SPON1: variants seen among roughly 807,000 people sequenced by gnomAD.
The protein encoded by SPON1 is spondin 1.
SPON1 carries 52 observed loss-of-function variants against 111.7 expected under a neutral mutation model. The ratio of observed to expected loss-of-function variants is 0.47; its 90% CI spans 0.37 to 0.59. The LOEUF (loss-of-function observed/expected upper bound fraction) is 0.59. SPON1 is among the 20% of genes least tolerant of loss of function. The pLI is 0.00. For missense variants in SPON1, 957 were observed against 1,068.5 expected, an observed-to-expected ratio of 0.90 and a Z score of 1.46; for synonymous variants, 410 against 395.8, an observed-to-expected ratio of 1.04 and a Z score of -0.43.
At chr11:14,192,414 T>G (rs1173681782) in intron 6 of SPON1, among the ~76,000 whole-genome samples, 15 of 152,210 alleles carry the variant, frequency 9.9e-5, no homozygotes, top group Non-Finnish European at 1.3e-4. Context: ...TTTGTAGCTT[T>G]GACATTTTAA....
intron 6 of SPON1, among the ~76,000 whole-genome samples, chr11:14,148,091 T>C (rs2133866936): frequency 6.6e-6 from 1 of 152,316 alleles, no homozygotes; most frequent in South Asian, 2.1e-4. Context: ...TATACACAGA[T>C]ATACTCACAT....
chr11:13,962,832 C>G lies in SPON1; in HGVS notation c.-73C>G. The G allele has an allele frequency of 7.5e-7, 1 of 1,334,340 alleles. No individual in the cohort carries two copies. The highest frequency in any genetic ancestry group is 9.7e-7 in the Non-Finnish European group (1 of 1,028,802). 82.7% of individuals were successfully genotyped at this position (1,334,340 alleles called of 1,614,324 possible). A position where few individuals can be genotyped will look rare whatever the true frequency, so the allele number is the denominator to read the frequency against. On this transcript the variant is annotated 5_prime_UTR_variant, in exon 1 of 16. Coordinates refer to ENST00000576479, the MANE Select transcript of SPON1 (RefSeq NM_006108.4). ...CCGCGCCTCCGCCAGGTCGCGCCTT[C>G]GTCGGGACCACTTCGGGCAGGAGTC...
intron 5 of SPON1, among the ~76,000 whole-genome samples, chr11:14,086,586 G>T (rs927081006): frequency 6.6e-6 from 1 of 152,112 alleles, no homozygotes; most frequent in South Asian, 2.1e-4. Flanking sequence ...ATGTTCATCA[G>T]GGATATTGAC....
chr11:14,234,631 C>G (rs1848842029), intron 6 of SPON1, among the ~76,000 whole-genome samples: 1 of 152,204 alleles, frequency 6.6e-6, no homozygotes, highest in South Asian at 2.1e-4. Flanking sequence ...TCAGAGCTCC[C>G]ACCCACCGGA....
At chr11:14,000,568 T>G (rs1848309364) in intron 2 of SPON1, among the ~76,000 whole-genome samples, 1 of 152,158 alleles carries the variant, frequency 6.6e-6, no homozygotes, top group Non-Finnish European at 1.5e-5. Context: ...TTTTTTGAAA[T>G]CAGCCTAAGA....
At chr11:14,196,293 A>C (rs1554935068) in intron 6 of SPON1, among the ~76,000 whole-genome samples, 1 of 152,150 alleles carries the variant, frequency 6.6e-6, no homozygotes, top group East Asian at 1.9e-4. Context: ...AAAGTAGATT[A>C]GTGGTTGCCT....
Position 14,151,176 on chromosome 11 carries a change from C to T in SPON1, c.825+15608C>T, listed in dbSNP as rs139481116. On this transcript the variant is annotated intron_variant, in intron 6 of 15. Transcript: ENST00000576479. ...GAACATCTGTGGAATGTCCCTCCTG[C>T]CCATGTAGTTTTTCAGCTCTGTTAT... Among the ~76,000 whole-genome samples, 736 of 152,294 alleles carry T rather than the reference C, an allele frequency of 4.8e-3. 9 individuals are homozygous for T. Among genetic ancestry groups the T allele is most frequent in the African/African-American group, 0.016 (681 of 41,562 alleles).
chr11:14,205,250 C>T (rs1848505681), intron 6 of SPON1, among the ~76,000 whole-genome samples: 3 of 152,198 alleles, frequency 2.0e-5, no homozygotes, highest in African/African-American at 7.2e-5. Context: ...CATGTGTTGA[C>T]GCATATCGTA....
At chr11:13,989,239 T>G (rs1848208865) in intron 2 of SPON1, among the ~76,000 whole-genome samples, 2 of 152,152 alleles carry the variant, frequency 1.3e-5, no homozygotes, top group Non-Finnish European at 2.9e-5. Context: ...TGTTATTGGT[T>G]TATTCAGGGA....
intron 3 of SPON1, among the ~76,000 whole-genome samples, chr11:14,063,968 G>A (rs533006351): frequency 6.6e-6 from 1 of 152,316 alleles, no homozygotes; most frequent in South Asian, 2.1e-4. Context: ...ACAGCACTCT[G>A]GGTGGCACTG....
At chr11:14,261,577 C>T (rs1554941912) in intron 14 of SPON1, among the ~76,000 whole-genome samples, 1 of 152,186 alleles carries the variant, frequency 6.6e-6, no homozygotes, top group African/African-American at 2.4e-5. Flanking sequence ...AAGGATAGGC[C>T]TTACTTAATC....
intron 5 of SPON1, among the ~76,000 whole-genome samples, chr11:14,082,881 C>T (rs1325900742): frequency 2.6e-5 from 4 of 152,100 alleles, no homozygotes; most frequent in African/African-American, 4.8e-5. Flanking sequence ...GCCCCCCTGT[C>T]CTTTATTAGT....
intron 1 of SPON1, among the ~76,000 whole-genome samples, chr11:13,979,219 T>C (rs1848125711): frequency 6.6e-6 from 1 of 152,156 alleles, no homozygotes; most frequent in African/African-American, 2.4e-5. Flanking sequence ...GGCTTGTAAA[T>C]GCATGGCTCT....
intron 3 of SPON1, among the ~76,000 whole-genome samples, chr11:14,046,797 T>C (rs1422634006): frequency 6.6e-5 from 10 of 152,234 alleles, no homozygotes; most frequent in Non-Finnish European, 5.9e-5. Context: ...ATTAATAGTT[T>C]CCCAGAATAC....
chr11:14,260,781 C>T, intron 14 of SPON1, 29 bp downstream of exon 14: 1 of 1,603,902 alleles, frequency 6.2e-7, no homozygotes, highest in East Asian at 2.2e-5. Context: ...CAAGGCCCAT[C>T]ACTTCTATGT....
intron 3 of SPON1, among the ~76,000 whole-genome samples, chr11:14,046,603 A>G (rs1316250735): frequency 6.6e-6 from 1 of 152,136 alleles, no homozygotes; most frequent in Non-Finnish European, 1.5e-5. Flanking sequence ...TGAAACCCAC[A>G]CCATTTTATA....
chr11:13,976,590 C>T (rs532670164), intron 1 of SPON1, among the ~76,000 whole-genome samples: 1 of 152,154 alleles, frequency 6.6e-6, no homozygotes. Flanking sequence ...TACAGGAATG[C>T]AGTATTATGG....
At chr11:14,183,661 G>C (rs1848258193) in intron 6 of SPON1, among the ~76,000 whole-genome samples, 1 of 152,174 alleles carries the variant, frequency 6.6e-6, no homozygotes, top group Admixed American at 6.5e-5. Flanking sequence ...ACAGCCCTGT[G>C]AGCTGTGGGT....
rs368925194 is a variant in SPON1, at chr11:14,007,495, GACAGCTAATTAGATGGTGCCCAC to G, written c.345+24549_345+24571del. ...ATTTTCTGCCTGCTTTATATTCATT[GACAGCTAATTAGATGGTGCCCAC>G]ACAGCTGATTAGATGGTGCCCACCC... On this transcript the variant is annotated intron_variant, in intron 2 of 15. Coordinates refer to ENST00000576479, the MANE Select transcript of SPON1 (RefSeq NM_006108.4). Among the ~76,000 whole-genome samples the G allele has an allele frequency of 5.2e-3, 795 of 152,210 alleles. 9 individuals carry two copies. The highest frequency in any genetic ancestry group is 0.018 in the African/African-American group (735 of 41,534).
Sources: gnomAD v4.1 joint callset for allele counts (sites outside exome capture counted in the v4.1 genomes callset) on GRCh38, gnomAD v4.1.1 for gene constraint, MANE v1.5 for transcripts, NCBI Gene and HGNC (gene_info 2026-07-23, HGNC 2026-07-21) for gene names.